The following SSH2 variants were observed in gnomAD, a reference collection of about 807,000 sequenced individuals.
SSH2 encodes the protein slingshot protein phosphatase 2.
Under a neutral mutation model 135.2 loss-of-function variants are expected in SSH2, and 37 were observed. The ratio of observed to expected loss-of-function variants is 0.27; its 90% CI spans 0.21 to 0.36. The LOEUF is 0.36. SSH2 is among the 10% of genes least tolerant of loss of function. The pLI is 1.00. For missense variants in SSH2, 1,408 were observed against 1,765.3 expected (o/e 0.80, Z 3.63); for synonymous variants, 628 against 646.2 (o/e 0.97, Z 0.43).
intron 3 of SSH2, among the ~76,000 whole-genome samples, chr17:29,785,627 G>A (rs922073676): frequency 6.6e-6 from 1 of 150,490 alleles, no homozygotes; most frequent in Non-Finnish European, 1.5e-5. Flanking sequence ...AGCCTCCTGA[G>A]TAGCTGGGAT....
Position 29,631,845 on chromosome 17 carries a change from T to C in SSH2, c.3349A>G (p.Thr1117Ala). The change falls in exon 16 of 16, where the codon ACT becomes GCT. Residue 1117 changes from threonine to alanine, a missense_variant. Coordinates refer to ENST00000540801, the MANE Select transcript of SSH2 (RefSeq NM_001282129.2). ...HSSSPEHNRPTDHPTSILSSP... is the reference protein window; with the variant it reads ...HSSSPEHNRPADHPTSILSSP... ...CTCAGGATGGAGGTTGGATGGTCAG[T>C]GGGTCTGTTGTGCTCAGGGGAGGAA... 1 of 1,614,166 alleles carries C rather than the reference T, an allele frequency of 6.2e-7. No homozygotes were observed. Among genetic ancestry groups the C allele is most frequent in the Middle Eastern group, 1.6e-4 (1 of 6,062 alleles).
chr17:29,736,703 C>T (rs1438673187), intron 3 of SSH2, among the ~76,000 whole-genome samples: 6 of 138,260 alleles, frequency 4.3e-5, no homozygotes, highest in Non-Finnish European at 9.1e-5. Flanking sequence ...AGGAGACTTG[C>T]TTTAACCCGG....
At chr17:29,916,601 C>T (rs1449134261) in intron 1 of SSH2, among the ~76,000 whole-genome samples, 1 of 151,934 alleles carries the variant, frequency 6.6e-6, no homozygotes, top group South Asian at 2.1e-4. Flanking sequence ...GCTGGGATAA[C>T]AGGCGTGCAC....
chr17:29,893,081 T>C (rs1325916062), intron 1 of SSH2, among the ~76,000 whole-genome samples: 1 of 152,104 alleles, frequency 6.6e-6, no homozygotes, highest in Non-Finnish European at 1.5e-5. Flanking sequence ...CCACCAAAGT[T>C]GATCTTACGA....
chr17:29,733,926 T>TTTTG (rs1555623230), intron 3 of SSH2, among the ~76,000 whole-genome samples: 2 of 150,686 alleles, frequency 1.3e-5, no homozygotes, highest in African/African-American at 2.4e-5. Flanking sequence ...TTTTTTTTTT[T>TTTTG]TTGAGATGGA....
chr17:29,725,118 C>T (rs1000557642), intron 3 of SSH2, among the ~76,000 whole-genome samples: 9 of 151,302 alleles, frequency 5.9e-5, no homozygotes, highest in African/African-American at 1.9e-4. Flanking sequence ...GAGGCCAAGA[C>T]GGGCAGATCA....
chr17:29,733,427 T>C (rs2040262626), intron 3 of SSH2, among the ~76,000 whole-genome samples: 1 of 152,224 alleles, frequency 6.6e-6, no homozygotes, highest in African/African-American at 2.4e-5. Context: ...AATAGAAATG[T>C]TTATCTTCAA....
intron 1 of SSH2, among the ~76,000 whole-genome samples, chr17:29,852,708 C>T (rs566047323): frequency 3.3e-5 from 5 of 151,820 alleles, no homozygotes; most frequent in East Asian, 1.9e-4. Flanking sequence ...CGTGCCACCA[C>T]GCCGGCTAAT....
At chr17:29,913,350 ATATATATATATAT>A (rs2066814411) in intron 1 of SSH2, among the ~76,000 whole-genome samples, 2 of 30,878 alleles carry the variant, frequency 6.5e-5, no homozygotes, top group Middle Eastern at 0.013. Flanking sequence ...AAAAAAAAAT[ATATATATATATAT>A]ATATATATAT....
At chr17:29,720,307 A>T (rs540683418) in intron 3 of SSH2, among the ~76,000 whole-genome samples, 27 of 152,176 alleles carry the variant, frequency 1.8e-4, no homozygotes, top group Admixed American at 2.6e-4. Flanking sequence ...GTAACTCTCA[A>T]AATTAATTGG....
intron 3 of SSH2, among the ~76,000 whole-genome samples, chr17:29,739,371 C>T (rs1055576479): frequency 6.6e-6 from 1 of 152,096 alleles, no homozygotes; most frequent in African/African-American, 2.4e-5. Flanking sequence ...AACAACAGCC[C>T]CTGCCTTTTC....
At chr17:29,818,744 A>AT (rs987464513) in intron 2 of SSH2, among the ~76,000 whole-genome samples, 4 of 151,916 alleles carry the variant, frequency 2.6e-5, no homozygotes, top group Admixed American at 6.6e-5. Flanking sequence ...TTAGTTAAAT[A>AT]TTTTTTTTCA....
Position 29,677,740 on chromosome 17 carries a change from T to C in SSH2, c.481A>G (p.Ser161Gly). The C allele has an allele frequency of 6.2e-7, 1 of 1,613,630 alleles. No homozygotes were observed. The change falls in exon 7 of 16, where the codon AGC (serine) becomes GGC (glycine). Residue 161 changes from serine (S) to glycine (G), a missense_variant and splice_region_variant. Around this residue, in one of 3 missense-constraint regions of SSH2, gnomAD observed 222 missense variants for 355.6 expected, o/e 0.62. Coordinates refer to ENST00000540801, the MANE Select transcript of SSH2 (RefSeq NM_001282129.2). ...LGMDFSSNDS[S>G]TCTMGLVLPL... Reference sequence around the variant, plus strand: ...AAAACTAAGCCCATGGTACAAGTGCTACTGCAAGACAAGAAGTAGTCCAAT... The same window carrying C: ...AAAACTAAGCCCATGGTACAAGTGCCACTGCAAGACAAGAAGTAGTCCAAT...
At chr17:29,801,388 C>T (rs573049663) in intron 2 of SSH2, among the ~76,000 whole-genome samples, 13 of 152,250 alleles carry the variant, frequency 8.5e-5, no homozygotes, top group Non-Finnish European at 1.5e-5. Context: ...AGATTCTTTA[C>T]ACTTTCTATT....
chr17:29,681,163 C>T (rs2037966850), intron 6 of SSH2, among the ~76,000 whole-genome samples: 1 of 151,032 alleles, frequency 6.6e-6, no homozygotes, highest in African/African-American at 2.4e-5. Context: ...ATGGTGAAAC[C>T]CCGTCTACTA....
intron 1 of SSH2, among the ~76,000 whole-genome samples, chr17:29,872,568 A>C (rs1306483199): frequency 1.3e-5 from 2 of 152,162 alleles, no homozygotes; most frequent in East Asian, 3.9e-4. Context: ...CTGCCTTAGC[A>C]ACACAGCAAG....
intron 1 of SSH2, among the ~76,000 whole-genome samples, chr17:29,896,379 T>C (rs1230384076): frequency 1.4e-5 from 2 of 144,324 alleles, no homozygotes; most frequent in Non-Finnish European, 3.0e-5. Flanking sequence ...GTATTTTATA[T>C]ACACATTTCA....
chr17:29,728,819 A>G (rs920630943), intron 3 of SSH2, among the ~76,000 whole-genome samples: 2 of 152,230 alleles, frequency 1.3e-5, no homozygotes, highest in Non-Finnish European at 2.9e-5. Flanking sequence ...TCTTCAATAA[A>G]TGATGTCAGA....
chr17:29,804,348 C>G (rs1481957091), intron 2 of SSH2, among the ~76,000 whole-genome samples: 1 of 152,158 alleles, frequency 6.6e-6, no homozygotes, highest in East Asian at 1.9e-4. Flanking sequence ...AGGTGTGAAT[C>G]ACAGTCAGGA....
Sources: gnomAD v4.1 joint callset for allele counts (sites outside exome capture counted in the v4.1 genomes callset) on GRCh38, gnomAD v4.1.1 for gene constraint, gnomAD v4.1.1 regional missense constraint, MANE v1.5 for transcripts, NCBI Gene and HGNC (gene_info 2026-07-23, HGNC 2026-07-21) for gene names.